SH3PXD2A: variants seen among roughly 807,000 people sequenced by gnomAD.
SH3PXD2A encodes the protein SH3 and PX domain-containing protein 2A.
A neutral mutation model predicts 115.2 loss-of-function variants in SH3PXD2A; 32 were observed. The observed-to-expected ratio is 0.28, with a 90% CI of 0.21 to 0.37. The LOEUF (loss-of-function observed/expected upper bound fraction) is 0.37, where lower values mean the gene tolerates loss of function less well. SH3PXD2A is among the 10% of genes least tolerant of loss of function. The pLI is 1.00. For missense variants in SH3PXD2A, 1,328 were observed against 1,498.7 expected (o/e 0.89, Z 1.88); for synonymous variants, 610 against 629.1 (o/e 0.97, Z 0.45).
intron 1 of SH3PXD2A, among the ~76,000 whole-genome samples, chr10:103,812,059 G>C (rs1441293946): frequency 6.6e-6 from 1 of 152,204 alleles, no homozygotes; most frequent in African/African-American, 2.4e-5. Flanking sequence ...GCTGGGCCTG[G>C]CAAGAGCCCA....
chr10:103,753,084 C>A (rs1215151052), intron 3 of SH3PXD2A, among the ~76,000 whole-genome samples: 1 of 151,904 alleles, frequency 6.6e-6, no homozygotes, highest in African/African-American at 2.4e-5. Context: ...TGCAAACACC[C>A]TGGTGCAGGC....
At position 103,724,305 on chromosome 10, in the gene SH3PXD2A, G is replaced by A. The variant is rs201662487; in HGVS notation, c.363C>T (p.Phe121=). The A allele has an allele frequency of 4.4e-6, 7 of 1,580,744 alleles. No homozygotes were observed. In the Admixed American group the frequency reaches 5.5e-5, roughly 13 times the overall value. ...ISQCDEVFRF[F]EARPEDVNPP... is the part of the protein sequence containing the mutation. ...GGTTGACATCCTCGGGTCGAGCCTCGAAGAACCGGAAGACTTCGTCACACT... is the reference window on the plus strand; with the variant it reads ...GGTTGACATCCTCGGGTCGAGCCTCAAAGAACCGGAAGACTTCGTCACACT... The change falls in exon 5 of 15, where the codon TTC becomes TTT. Residue 121 remains phenylalanine, a synonymous_variant. Coordinates refer to ENST00000369774, the MANE Select transcript of SH3PXD2A (RefSeq NM_001394015.1).
rs2036109125 is a variant in SH3PXD2A, at chr10:103,594,644, A to G, written c.*7172T>C. On this transcript the variant is annotated 3_prime_UTR_variant, in exon 15 of 15. Coordinates refer to ENST00000369774, the MANE Select transcript of SH3PXD2A (RefSeq NM_001394015.1). ...TTTCCCATCCTGTGTCTTGGATTTA[A>G]AGAAAACCTGTTGCAGATAATGAGT... 6.6e-6 allele frequency: 1 copy of G among 152,238 alleles called. No homozygotes were observed. 9.4% of individuals were successfully genotyped at this position (152,238 alleles called of 1,614,324 possible). A position where few individuals can be genotyped will look rare whatever the true frequency, so the allele number is the denominator to read the frequency against.
At chr10:103,621,564 C>T (rs1032687126) in intron 10 of SH3PXD2A, among the ~76,000 whole-genome samples, 7 of 152,176 alleles carry the variant, frequency 4.6e-5, no homozygotes, top group African/African-American at 1.4e-4. Flanking sequence ...TGGGTGTCCC[C>T]GCTTCCAGAA....
chr10:103,702,596 C>CGCGTGTGTGTGTGT (rs1554913264), intron 5 of SH3PXD2A, among the ~76,000 whole-genome samples: 1 of 147,448 alleles, frequency 6.8e-6, no homozygotes, highest in Non-Finnish European at 1.5e-5. Flanking sequence ...TGTGTGTGTG[C>CGCGTGTGTGTGTGT]GTGTGTGTGT....
At chr10:103,635,274 C>T (rs938533933) in intron 8 of SH3PXD2A, among the ~76,000 whole-genome samples, 1 of 152,218 alleles carries the variant, frequency 6.6e-6, no homozygotes, top group Non-Finnish European at 1.5e-5. Context: ...ACCCTGGTTT[C>T]CAGGTACAAA....
intron 1 of SH3PXD2A, among the ~76,000 whole-genome samples, chr10:103,837,097 C>T (rs1382595672): frequency 4.6e-5 from 7 of 152,216 alleles, no homozygotes; most frequent in Admixed American, 3.9e-4. Flanking sequence ...TTTGCACTGA[C>T]TGAGCTCCTC....
At chr10:103,642,209 T>A (rs2036966228) in intron 8 of SH3PXD2A, among the ~76,000 whole-genome samples, 1 of 151,316 alleles carries the variant, frequency 6.6e-6, no homozygotes, top group Admixed American at 6.6e-5. Context: ...ATTGCCACCA[T>A]GAATAAACAA....
At chr10:103,632,254 A>C (rs1161934650) in intron 8 of SH3PXD2A, among the ~76,000 whole-genome samples, 3 of 152,208 alleles carry the variant, frequency 2.0e-5, no homozygotes, top group African/African-American at 7.2e-5. Flanking sequence ...GTGGGAAAGA[A>C]AACGGTGCCT....
chr10:103,700,765 C>T (rs953111627), intron 5 of SH3PXD2A, among the ~76,000 whole-genome samples: 1 of 152,162 alleles, frequency 6.6e-6, no homozygotes, highest in African/African-American at 2.4e-5. Flanking sequence ...GTGTAAATGC[C>T]AGACTGTTCT....
rs925706075 is a variant in SH3PXD2A at position 103,666,647 on chromosome 10, C to G, written c.472+1961G>C. Among the ~76,000 whole-genome samples, 4 of 152,200 alleles carry G rather than the reference C, an allele frequency of 2.6e-5. No individual in the cohort carries two copies. Among genetic ancestry groups the G allele is most frequent in the Non-Finnish European group, 5.9e-5 (4 of 68,040 alleles). On this transcript the variant is annotated intron_variant, in intron 7 of 14. Coordinates refer to ENST00000369774, the MANE Select transcript of SH3PXD2A (RefSeq NM_001394015.1). This position sits in a 1 kb window ranked among gnomAD's most constrained non-coding sequence, Gnocchi z 4.5. Reference sequence around the variant, plus strand: ...TAGCTCTGAGATCCTGGGGAGGACACGTAACCTCTCTTGAGCTTTAGTGTC... The same window carrying G: ...TAGCTCTGAGATCCTGGGGAGGACAGGTAACCTCTCTTGAGCTTTAGTGTC...
At chr10:103,622,240 T>C (rs1307366127) in intron 10 of SH3PXD2A, among the ~76,000 whole-genome samples, 2 of 152,144 alleles carry the variant, frequency 1.3e-5, no homozygotes, top group Non-Finnish European at 2.9e-5. Flanking sequence ...CTGTGTTCCA[T>C]GACCCTCATA....
intron 13 of SH3PXD2A, 44 bp downstream of exon 13, chr10:103,611,534 ATTC>A: frequency 6.5e-7 from 1 of 1,547,650 alleles, no homozygotes; most frequent in South Asian, 1.1e-5. Context: ...GCTATAGCGC[ATTC>A]ACAGAAAAGG....
intron 2 of SH3PXD2A, among the ~76,000 whole-genome samples, chr10:103,793,132 T>G (rs188512814): frequency 4.6e-5 from 7 of 152,216 alleles, no homozygotes; most frequent in African/African-American, 1.7e-4. Context: ...AAATAATATA[T>G]GAATGCATTC....
intron 11 of SH3PXD2A, among the ~76,000 whole-genome samples, chr10:103,614,124 G>C (rs1355331926): frequency 6.6e-6 from 1 of 150,918 alleles, no homozygotes; most frequent in Non-Finnish European, 1.5e-5. Context: ...GTGTGATGGT[G>C]CATACCTGTA....
intron 2 of SH3PXD2A, among the ~76,000 whole-genome samples, chr10:103,769,173 T>TGCGC (rs1294417647): frequency 3.8e-5 from 4 of 104,526 alleles, no homozygotes; most frequent in African/African-American, 1.9e-4. Context: ...TGTGTGTGTG[T>TGCGC]GTGTGTGTGC....
chr10:103,697,833 C>T (rs886913895), intron 5 of SH3PXD2A, among the ~76,000 whole-genome samples: 1 of 152,170 alleles, frequency 6.6e-6, no homozygotes, highest in African/African-American at 2.4e-5. Context: ...GCAGGAAAGG[C>T]ACTGAACAAT....
At chr10:103,721,535 C>T (rs746182830) in intron 5 of SH3PXD2A, among the ~76,000 whole-genome samples, 3 of 152,242 alleles carry the variant, frequency 2.0e-5, no homozygotes, top group Non-Finnish European at 4.4e-5. Flanking sequence ...AGGCATGGAT[C>T]ACAGGCTGGG....
intron 9 of SH3PXD2A, among the ~76,000 whole-genome samples, chr10:103,623,351 C>A (rs1382602008): frequency 6.6e-6 from 1 of 152,136 alleles, no homozygotes; most frequent in East Asian, 1.9e-4. Context: ...TGCTGCTTGG[C>A]TCTGAGCCCC....
Sources: gnomAD v4.1 joint callset for allele counts (sites outside exome capture counted in the v4.1 genomes callset) on GRCh38, gnomAD v4.1.1 for gene constraint, Gnocchi (gnomAD v3.1) non-coding constraint, MANE v1.5 for transcripts, NCBI Gene and HGNC (gene_info 2026-07-23, HGNC 2026-07-21) for gene names.